FNDC3A: variants seen among roughly 807,000 people sequenced by gnomAD.
The protein encoded by FNDC3A is fibronectin type-III domain-containing protein 3A.
In FNDC3A, 32 loss-of-function variants were observed where a neutral mutation model predicts 148.9. The ratio of observed to expected loss-of-function variants is 0.21; its 90% confidence interval spans 0.16 to 0.29. FNDC3A has a LOEUF of 0.29. Ranked by LOEUF, FNDC3A falls within the 10% of genes least tolerant of loss-of-function variation. The pLI, the probability that FNDC3A is intolerant of heterozygous loss-of-function variation, is 1.00. For missense variants in FNDC3A, 1,191 were observed against 1,452.8 expected, an observed-to-expected ratio of 0.82 and a Z score of 2.93; for synonymous variants, 472 against 473.6, an observed-to-expected ratio of 1.00 and a Z score of 0.04.
intron 2 of FNDC3A, among the ~76,000 whole-genome samples, chr13:49,067,695 C>T (rs1289298711): frequency 1.3e-5 from 2 of 152,146 alleles, no homozygotes; most frequent in African/African-American, 2.4e-5. Context: ...CCTAATAGTT[C>T]TTAATCTACT....
chr13:49,158,365 C>T (rs921626937), intron 8 of FNDC3A, among the ~76,000 whole-genome samples: 12 of 152,246 alleles, frequency 7.9e-5, no homozygotes, highest in East Asian at 5.8e-4. Flanking sequence ...GGCAATGCCT[C>T]GCCCTGCTTC....
intron 14 of FNDC3A, among the ~76,000 whole-genome samples, chr13:49,185,638 A>G (rs1566313980): frequency 6.6e-6 from 1 of 152,214 alleles, no homozygotes; most frequent in East Asian, 1.9e-4. Flanking sequence ...AAAGAATGTT[A>G]AAAGAAGAAA....
intron 1 of FNDC3A, among the ~76,000 whole-genome samples, chr13:48,977,526 CAAGT>C (rs1466245221): frequency 6.6e-6 from 1 of 152,154 alleles, no homozygotes; most frequent in African/African-American, 2.4e-5. Context: ...CACAAATGTT[CAAGT>C]GAGTTGAATC....
chr13:49,145,229 TAGAG>T (rs757803335), intron 7 of FNDC3A, among the ~76,000 whole-genome samples: 7 of 152,216 alleles, frequency 4.6e-5, no homozygotes, highest in East Asian at 1.9e-4. Context: ...TTACCACACT[TAGAG>T]AGTGCCATTT....
chr13:49,152,665 C>T (rs1883383937), intron 8 of FNDC3A, among the ~76,000 whole-genome samples: 2 of 150,206 alleles, frequency 1.3e-5, no homozygotes, highest in Non-Finnish European at 3.0e-5. Flanking sequence ...CTACCCCTCC[C>T]CCCTACCCCC....
intron 2 of FNDC3A, among the ~76,000 whole-genome samples, chr13:49,068,818 A>G (rs1398062714): frequency 6.6e-6 from 1 of 152,170 alleles, no homozygotes; most frequent in Admixed American, 6.5e-5. Flanking sequence ...AAACAAATAC[A>G]ACATGTTCTT....
intron 2 of FNDC3A, among the ~76,000 whole-genome samples, chr13:49,060,605 C>T (rs1293098282): frequency 2.8e-5 from 4 of 140,934 alleles, no homozygotes; most frequent in Non-Finnish European, 6.0e-5. Context: ...GATTGTGCCA[C>T]TGCACTCCAG....
At chr13:49,189,419 G>T (rs992500737) in intron 17 of FNDC3A, among the ~76,000 whole-genome samples, 10 of 152,040 alleles carry the variant, frequency 6.6e-5, no homozygotes, top group Admixed American at 5.9e-4. Flanking sequence ...CTGACTTCGT[G>T]ATCCACCGGC....
At chr13:49,172,520 T>C (rs1461664090) in intron 11 of FNDC3A, among the ~76,000 whole-genome samples, 1 of 152,188 alleles carries the variant, frequency 6.6e-6, no homozygotes, top group African/African-American at 2.4e-5. Context: ...CCAGGGACTT[T>C]AGAGGAGAAT....
At chr13:49,160,922 A>G (rs1395448101) in intron 8 of FNDC3A, among the ~76,000 whole-genome samples, 2 of 152,194 alleles carry the variant, frequency 1.3e-5, no homozygotes, top group African/African-American at 2.4e-5. Flanking sequence ...CCATGTAGTT[A>G]TGCGGTTTTG....
chr13:49,116,234 G>A (rs772383137), intron 4 of FNDC3A, among the ~76,000 whole-genome samples: 3 of 151,998 alleles, frequency 2.0e-5, no homozygotes, highest in Non-Finnish European at 4.4e-5. Flanking sequence ...GCCTTTCCAG[G>A]TGCTTCTCCC....
chr13:49,118,218 G>A (rs1426847312), intron 4 of FNDC3A, among the ~76,000 whole-genome samples: 1 of 152,174 alleles, frequency 6.6e-6, no homozygotes, highest in African/African-American at 2.4e-5. Flanking sequence ...GCTGAAGCAG[G>A]GTGGGGCATC....
chr13:49,158,869 A>C (rs913403086), intron 8 of FNDC3A, among the ~76,000 whole-genome samples: 6 of 152,178 alleles, frequency 3.9e-5, no homozygotes, highest in African/African-American at 1.4e-4. Context: ...CCATTTATTA[A>C]ATAGGGAATC....
chr13:48,986,440 G>T (rs1157778699), intron 1 of FNDC3A, among the ~76,000 whole-genome samples: 1 of 110,684 alleles, frequency 9.0e-6, no homozygotes, highest in Non-Finnish European at 1.7e-5. Context: ...CTGTCGCCCA[G>T]GCTGGAGTGC....
intron 8 of FNDC3A, among the ~76,000 whole-genome samples, chr13:49,164,662 G>A: frequency 6.6e-6 from 1 of 151,558 alleles, no homozygotes; most frequent in East Asian, 1.9e-4. Flanking sequence ...AGGCTGGAGT[G>A]CTGTGGCATG....
chr13:49,037,119 G>A (rs1427808993), intron 2 of FNDC3A, among the ~76,000 whole-genome samples: 2 of 152,148 alleles, frequency 1.3e-5, no homozygotes, highest in Non-Finnish European at 2.9e-5. Context: ...CGTCCACTTG[G>A]CTAGGCTAGA....
At chr13:49,043,449 G>T (rs1202796596) in intron 2 of FNDC3A, among the ~76,000 whole-genome samples, 1 of 152,034 alleles carries the variant, frequency 6.6e-6, no homozygotes, top group Non-Finnish European at 1.5e-5. Flanking sequence ...GATTTAAATT[G>T]TTAGGTGCAG....
intron 5 of FNDC3A, among the ~76,000 whole-genome samples, chr13:49,131,666 G>A (rs931644736): frequency 6.6e-6 from 1 of 152,178 alleles, no homozygotes; most frequent in Non-Finnish European, 1.5e-5. Context: ...TAGGCACTGA[G>A]AAAATTTTCA....
rs1416136292 is a variant in FNDC3A at position 49,209,165 on chromosome 13, TGGC to T, written c.*1771_*1773del. ...AGAAACTTCTTTAAAGTGCCACATT[TGGC>T]AGTACAAATGAGTCTGAGTGTAATA... On this transcript the variant is annotated 3_prime_UTR_variant, in exon 26 of 26. Coordinates refer to ENST00000492622, the MANE Select transcript of FNDC3A (RefSeq NM_001079673.2). 1.3e-5 allele frequency: 2 copies of T among 152,748 alleles called. No homozygotes were observed. Among genetic ancestry groups the T allele is most frequent in the East Asian group, 3.9e-4 (2 of 5,194 alleles). 9.5% of individuals were successfully genotyped at this position (152,748 alleles called of 1,614,324 possible). A position where few individuals can be genotyped will look rare whatever the true frequency, so the allele number is the denominator to read the frequency against.
Sources: gnomAD v4.1 joint callset for allele counts (sites outside exome capture counted in the v4.1 genomes callset) on GRCh38, gnomAD v4.1.1 for gene constraint, MANE v1.5 for transcripts, NCBI Gene and HGNC (gene_info 2026-07-23, HGNC 2026-07-21) for gene names.